Variants in ZNF583 observed in about 807,000 individuals in gnomAD.
The protein encoded by ZNF583 is zinc finger protein 583, also known as zinc finger protein L3-5.
In ZNF583, 30 loss-of-function variants were observed where a neutral mutation model predicts 55.3. That is an observed-to-expected ratio of 0.54 (90% CI 0.41 to 0.74). The LOEUF is 0.74. Ranked by LOEUF, ZNF583 falls within the 30% of genes least tolerant of loss-of-function variation. The pLI is 0.00. For missense variants in ZNF583, 504 were observed against 664.7 expected, an observed-to-expected ratio of 0.76 and a Z score of 2.66; for synonymous variants, 208 against 220.0, an observed-to-expected ratio of 0.95 and a Z score of 0.48.
At chr19:56,419,380 A>G (rs560069819) in intron 4 of ZNF583, among the ~76,000 whole-genome samples, 19 of 152,072 alleles carry the variant, frequency 1.2e-4, no homozygotes, top group Admixed American at 1.2e-3. Flanking sequence ...ATTTTTTAGT[A>G]GAGATGGGGT....
Position 56,424,320 on chromosome 19 carries a change from A to C in ZNF583, c.1662A>C (p.Ser554=), listed in dbSNP as rs2042470779. The change falls in exon 5 of 5, where the codon TCA becomes TCC. Residue 554 remains serine (S), a synonymous_variant. Transcript: ENST00000333201. Reference sequence around the variant, plus strand: ...CATTCTTGACTCTTTCCTCTCCCTCACCCTCCACATCAAATCAGTTGCCAA... The same window carrying C: ...CATTCTTGACTCTTTCCTCTCCCTCCCCCTCCACATCAAATCAGTTGCCAA... ...MESFLTLSSP[S]PSTSNQLPRP... The C allele has an allele frequency of 6.3e-7, 1 of 1,596,538 alleles. No homozygotes were observed. The highest frequency in any genetic ancestry group is 1.3e-5 in the African/African-American group (1 of 74,580).
intron 1 of ZNF583, 33 bp from the exon 2 acceptor site, chr19:56,406,993 C>T (rs1600349890): frequency 9.3e-7 from 1 of 1,081,018 alleles, no homozygotes; most frequent in South Asian, 1.4e-5. Context: ...GCAGGGCAGG[C>T]CTGGCATTTT....
rs892424599 is a variant in ZNF583 at position 56,407,363 on chromosome 19, G to C, written c.9+240G>C. Among the ~76,000 whole-genome samples the C allele has an allele frequency of 2.0e-5, 3 of 152,284 alleles. No homozygotes were observed. In the South Asian group the frequency reaches 6.2e-4, roughly 32 times the overall value. ...AGCACCTTCTCTGGGTTTAGTGTCTGTTAGAAGCTTTCAAGATGCAAAAAT... is the reference window on the plus strand; with the variant it reads ...AGCACCTTCTCTGGGTTTAGTGTCTCTTAGAAGCTTTCAAGATGCAAAAAT... On this transcript the variant is annotated intron_variant, in intron 2 of 4. Transcript: ENST00000333201.
At chr19:56,419,289 G>A (rs975948009) in intron 4 of ZNF583, among the ~76,000 whole-genome samples, 13 of 150,306 alleles carry the variant, frequency 8.6e-5, no homozygotes, top group Non-Finnish European at 1.9e-4. Flanking sequence ...TCCACCTCCC[G>A]GGTTCAAGCG....
Position 56,424,297 on chromosome 19 carries a change from T to C in ZNF583, c.1639T>C (p.Phe547Leu). The C allele has an allele frequency of 6.2e-7, 1 of 1,612,146 alleles. No individual in the cohort carries two copies. Among genetic ancestry groups the C allele is most frequent in the Non-Finnish European group, 8.5e-7 (1 of 1,178,350 alleles). ...HHERIHTMES[F>L]LTLSSPSPST... is the part of the protein sequence containing the mutation. Reference sequence around the variant, plus strand: ...TGAGAGAATTCATACTATGGAGTCATTCTTGACTCTTTCCTCTCCCTCACC... The same window carrying C: ...TGAGAGAATTCATACTATGGAGTCACTCTTGACTCTTTCCTCTCCCTCACC... Residue 547 changes from phenylalanine to leucine, a missense_variant, in exon 5 of 5, where the codon TTC becomes CTC. Around this residue, in one of 3 missense-constraint regions of ZNF583, gnomAD observed 63 missense variants for 56.5 expected, o/e 1.11. Coordinates refer to ENST00000333201, the MANE Select transcript of ZNF583 (RefSeq NM_152478.3).
intron 2 of ZNF583, among the ~76,000 whole-genome samples, chr19:56,410,266 G>C (rs1201319267): frequency 6.6e-6 from 1 of 152,126 alleles, no homozygotes; most frequent in Non-Finnish European, 1.5e-5. Context: ...CCGTATCGTT[G>C]CTGGGTCAAA....
intron 2 of ZNF583, among the ~76,000 whole-genome samples, chr19:56,410,792 A>G (rs984976088): frequency 6.6e-6 from 1 of 152,176 alleles, no homozygotes; most frequent in Non-Finnish European, 1.5e-5. Context: ...GCATAATTAT[A>G]CTGTATAATA....
At chr19:56,411,506 A>AATGTCTC (rs2042238747) in intron 2 of ZNF583, among the ~76,000 whole-genome samples, 1 of 152,262 alleles carries the variant, frequency 6.6e-6, no homozygotes, top group Non-Finnish European at 1.5e-5. Context: ...GCAGCTAAAA[A>AATGTCTC]ATGTCTCAAG....
intron 4 of ZNF583, among the ~76,000 whole-genome samples, chr19:56,416,082 C>T (rs1439395010): frequency 1.3e-5 from 2 of 151,324 alleles, no homozygotes; most frequent in Admixed American, 1.3e-4. Context: ...AATCCCAGCA[C>T]TTTGGGAGGC....
intron 4 of ZNF583, among the ~76,000 whole-genome samples, chr19:56,421,892 T>C (rs940709813): frequency 6.6e-6 from 1 of 152,144 alleles, no homozygotes; most frequent in Non-Finnish European, 1.5e-5. Context: ...CATAAGAGTG[T>C]GGAATACTTC....
chr19:56,414,246 C>A, intron 3 of ZNF583, 99 bp from the exon 4 acceptor site: 1 of 1,493,826 alleles, frequency 6.7e-7, no homozygotes, highest in South Asian at 1.1e-5. Context: ...CATTCTTATT[C>A]CTCAGCTCCC....
intron 2 of ZNF583, among the ~76,000 whole-genome samples, chr19:56,410,418 A>T (rs2042219487): frequency 6.6e-6 from 1 of 152,176 alleles, no homozygotes; most frequent in Non-Finnish European, 1.5e-5. Flanking sequence ...AGATTTATCC[A>T]GCTGGGTGTG....
chr19:56,414,595 T>A, intron 4 of ZNF583, 155 bp downstream of exon 4: 1 of 620,754 alleles, frequency 1.6e-6, no homozygotes, highest in Non-Finnish European at 2.8e-6. Flanking sequence ...TATGAGCTCC[T>A]CAATTTGTTC....
At chr19:56,409,594 C>T (rs1034623456) in intron 2 of ZNF583, among the ~76,000 whole-genome samples, 7 of 151,990 alleles carry the variant, frequency 4.6e-5, no homozygotes, top group African/African-American at 1.7e-4. Flanking sequence ...CCTCAGCCTC[C>T]CAAGTAGCCA....
intron 4 of ZNF583, among the ~76,000 whole-genome samples, chr19:56,415,012 T>C (rs2042297073): frequency 8.9e-6 from 1 of 112,006 alleles, no homozygotes; most frequent in South Asian, 3.6e-4. Flanking sequence ...CAAGAGCCTG[T>C]CTAAAAAAAA....
At chr19:56,416,082 C>CT (rs925562413) in intron 4 of ZNF583, among the ~76,000 whole-genome samples, 3 of 151,324 alleles carry the variant, frequency 2.0e-5, no homozygotes, top group African/African-American at 7.3e-5. Flanking sequence ...AATCCCAGCA[C>CT]TTTGGGAGGC....
rs1255437028 is a variant in ZNF583 at position 56,426,676 on chromosome 19, G to A, written c.*2308G>A. On this transcript the variant is annotated 3_prime_UTR_variant, in exon 5 of 5. Transcript: ENST00000333201. ...TGTGGTAAGTACTAAATCTCCCTAG[G>A]ATCAGAAGAAATACAGTTTAGGCCA... The A allele has an allele frequency of 6.6e-6, 1 of 152,044 alleles. No individual in the cohort carries two copies. The highest frequency in any genetic ancestry group is 1.5e-5 in the Non-Finnish European group (1 of 68,008). 9.4% of individuals were successfully genotyped at this position (152,044 alleles called of 1,614,324 possible).
rs71293967 is a variant in ZNF583 at position 56,418,714 on chromosome 19, G to GTT, written c.233-4169_233-4168dup. On this transcript the variant is annotated intron_variant, in intron 4 of 4. Transcript: ENST00000333201. ...GACAATCATGCTATCTACAAATACA[G>GTT]TTTTTTTTTCCTTCTGATCCTTATA... Among the ~76,000 whole-genome samples the GTT allele has an allele frequency of 1.8e-3, 271 of 151,232 alleles. 3 individuals are homozygous for GTT. Among genetic ancestry groups the GTT allele is most frequent in the Non-Finnish European group, 9.9e-4 (67 of 67,752 alleles).
At chr19:56,411,348 G>C (rs369639028) in intron 2 of ZNF583, among the ~76,000 whole-genome samples, 18 of 152,040 alleles carry the variant, frequency 1.2e-4, no homozygotes, top group African/African-American at 4.3e-4. Flanking sequence ...TAGAAATACT[G>C]GAAAGTATAT....
Sources: allele counts gnomAD v4.1 joint callset (sites outside exome capture counted in the v4.1 genomes callset), GRCh38; gene constraint gnomAD v4.1.1; regional missense constraint gnomAD v4.1.1; transcripts MANE v1.5; gene names NCBI Gene and HGNC (gene_info 2026-07-23, HGNC 2026-07-21).